The following ZNRF2 variants were observed in gnomAD, a reference collection of about 807,000 sequenced individuals.
ZNRF2 encodes the protein zinc and ring finger 2.
ZNRF2 carries 16 observed loss-of-function variants against 20.4 expected under a neutral mutation model. The observed-to-expected ratio is 0.79, with a 90% CI of 0.53 to 1.19. ZNRF2 has a LOEUF of 1.19. Among genes scored for constraint, ZNRF2 ranks in the 50% most tolerant of loss-of-function variants. The pLI, the probability that ZNRF2 is intolerant of heterozygous loss-of-function variation, is 0.00. For synonymous variants in ZNRF2, 178 were observed against 144.9 expected (o/e 1.23, Z -1.64); for missense variants, 363 against 332.4 (o/e 1.09, Z -0.72).
intron 2 of ZNRF2, among the ~76,000 whole-genome samples, chr7:30,344,967 C>T (rs1307537608): frequency 1.3e-5 from 2 of 152,084 alleles, no homozygotes. Context: ...CCTGATTTGT[C>T]CTCCTTTTAA....
In ZNRF2 at chr7:30,285,483, G is replaced by GGCC. The variant is rs1314475790; in HGVS notation, c.135_137dup (p.Ala46dup). 17 of 1,088,398 alleles carry GGCC rather than the reference G, an allele frequency of 1.6e-5. No individual in the cohort carries two copies. The highest frequency in any genetic ancestry group is 5.7e-5 in the Admixed American group (1 of 17,510). 67.4% of individuals were successfully genotyped at this position (1,088,398 alleles called of 1,614,324 possible). A position where few individuals can be genotyped will look rare whatever the true frequency, so the allele number is the denominator to read the frequency against. On this transcript the variant is annotated inframe_insertion, in exon 1 of 5. Transcript: ENST00000323037. ...CCGCGGGCGGCGGCGGGGGCGCTCG[G>GGCC]GCCGCCGCCGCGGGGAGGTTCCCGG...
At chr7:30,354,169 TG>T (rs1484653636) in intron 2 of ZNRF2, among the ~76,000 whole-genome samples, 1 of 151,546 alleles carries the variant, frequency 6.6e-6, no homozygotes, top group African/African-American at 2.4e-5. Flanking sequence ...GAAAAAAAAA[TG>T]GGGAAAGGGA....
chr7:30,329,656 A>G (rs559799680), intron 2 of ZNRF2, among the ~76,000 whole-genome samples: 10 of 152,324 alleles, frequency 6.6e-5, no homozygotes, highest in African/African-American at 2.4e-4. Context: ...GCATGGCTGA[A>G]TAATATTCTA....
chr7:30,330,769 TA>T lies in ZNRF2; in HGVS notation c.565+7043del, dbSNP rs796187971. On this transcript the variant is annotated intron_variant, in intron 2 of 4. Transcript: ENST00000323037. ...ATTGGCATTTTTTTTTAACTGAAGT[TA>T]AAAAAAAAAAGAAAACTTGCCAGCT... Among the ~76,000 whole-genome samples the T allele has an allele frequency of 6.2e-3, 901 of 144,562 alleles. 1 individual carries two copies. The highest frequency in any genetic ancestry group is 0.013 in the East Asian group (65 of 5,004). 94.8% of individuals were successfully genotyped at this position (144,562 alleles called of 152,430 possible). A position where few individuals can be genotyped will look rare whatever the true frequency, so the allele number is the denominator to read the frequency against.
intron 1 of ZNRF2, among the ~76,000 whole-genome samples, chr7:30,288,574 T>C (rs1254617356): frequency 2.0e-5 from 3 of 152,232 alleles, no homozygotes; most frequent in East Asian, 1.9e-4. Flanking sequence ...TTTGATGTCA[T>C]TTGGACATCT....
chr7:30,348,098 T>G (rs916813877), intron 2 of ZNRF2, among the ~76,000 whole-genome samples: 2 of 151,888 alleles, frequency 1.3e-5, no homozygotes, highest in African/African-American at 4.8e-5. Context: ...CTTGGCACAT[T>G]TATATATTCA....
intron 1 of ZNRF2, among the ~76,000 whole-genome samples, chr7:30,293,303 C>A (rs1172456851): frequency 6.8e-6 from 1 of 146,984 alleles, no homozygotes; most frequent in Non-Finnish European, 1.5e-5. Context: ...GGCTACAGTG[C>A]AGTAGTGCGA....
intron 2 of ZNRF2, among the ~76,000 whole-genome samples, chr7:30,343,656 C>A (rs1026248857): frequency 6.6e-6 from 1 of 150,834 alleles, no homozygotes; most frequent in Admixed American, 6.6e-5. Flanking sequence ...GTAATTCATT[C>A]TTTCTTTTAG....
chr7:30,285,576 A>AGCCCCGGCG lies in ZNRF2; in HGVS notation c.226_234dup (p.Ala76_Pro78dup), dbSNP rs1416817905. 3.0e-6 allele frequency: 3 copies of AGCCCCGGCG among 999,912 alleles called. No homozygotes were observed. The highest frequency in any genetic ancestry group is 1.8e-5 in the African/African-American group (1 of 55,870). 61.9% of individuals were successfully genotyped at this position (999,912 alleles called of 1,614,324 possible). ...CCGCGGCGGCCGCGGCGGCCCCGGC[A>AGCCCCGGCG]GCCCCGGCGGCCCCGCGCAGCCGCT... On this transcript the variant is annotated inframe_insertion, in exon 1 of 5. Transcript: ENST00000323037.
At chr7:30,350,985 TA>T (rs1217749173) in intron 2 of ZNRF2, among the ~76,000 whole-genome samples, 1 of 151,744 alleles carries the variant, frequency 6.6e-6, no homozygotes, top group Non-Finnish European at 1.5e-5. Context: ...AATTCAGTCT[TA>T]TTTGTTGGTT....
chr7:30,346,166 T>C (rs1430780064), intron 2 of ZNRF2, among the ~76,000 whole-genome samples: 1 of 124,814 alleles, frequency 8.0e-6, no homozygotes, highest in Non-Finnish European at 1.7e-5. Flanking sequence ...TTCTGTTAAG[T>C]CTGATTTTTT....
intron 1 of ZNRF2, among the ~76,000 whole-genome samples, chr7:30,299,978 T>G (rs1212550498): frequency 2.0e-5 from 3 of 150,434 alleles, no homozygotes; most frequent in South Asian, 2.1e-4. Flanking sequence ...AGAGACGGGG[T>G]TTTCACTGTG....
intron 1 of ZNRF2, among the ~76,000 whole-genome samples, chr7:30,290,443 C>T (rs1202777110): frequency 6.6e-6 from 1 of 152,060 alleles, no homozygotes; most frequent in Non-Finnish European, 1.5e-5. Context: ...TATCTAGTGA[C>T]TCAACTGGGG....
intron 2 of ZNRF2, among the ~76,000 whole-genome samples, chr7:30,324,299 C>A (rs1443956818): frequency 2.7e-5 from 4 of 150,932 alleles, no homozygotes; most frequent in Non-Finnish European, 5.9e-5. Context: ...TTTGGGAGGC[C>A]GAGGTAGGCA....
At chr7:30,338,411 G>C (rs1249787519) in intron 2 of ZNRF2, among the ~76,000 whole-genome samples, 3 of 149,018 alleles carry the variant, frequency 2.0e-5, no homozygotes, top group Non-Finnish European at 4.4e-5. Context: ...TCCTAATGCT[G>C]TCCCTCCCCT....
At position 30,336,663 on chromosome 7, in the gene ZNRF2, T is replaced by C. The variant is rs77596890; in HGVS notation, c.565+12926T>C. 2.0e-3 allele frequency among the ~76,000 whole-genome samples: 307 copies of C among 152,260 alleles called. 2 individuals are homozygous for C. Among genetic ancestry groups the C allele is most frequent in the East Asian group, 0.012 (64 of 5,194 alleles). ...GAGATTATGTAGAAAAGATACATTATAATGCAGAGAAAATTTAGGGGAGCA... is the reference window on the plus strand; with the variant it reads ...GAGATTATGTAGAAAAGATACATTACAATGCAGAGAAAATTTAGGGGAGCA... On this transcript the variant is annotated intron_variant, in intron 2 of 4. Coordinates refer to ENST00000323037, the MANE Select transcript of ZNRF2 (RefSeq NM_147128.4).
At chr7:30,291,128 T>C (rs1482979810) in intron 1 of ZNRF2, among the ~76,000 whole-genome samples, 1 of 152,184 alleles carries the variant, frequency 6.6e-6, no homozygotes, top group African/African-American at 2.4e-5. Context: ...CAGTACAGAC[T>C]AAAGAAAAAT....
intron 1 of ZNRF2, among the ~76,000 whole-genome samples, chr7:30,295,762 C>T (rs1185664303): frequency 6.6e-6 from 1 of 152,192 alleles, no homozygotes; most frequent in Non-Finnish European, 1.5e-5. Flanking sequence ...AAGTAGTCCA[C>T]ATACTTCATA....
chr7:30,295,788 C>A (rs1360354224), intron 1 of ZNRF2, among the ~76,000 whole-genome samples: 1 of 152,216 alleles, frequency 6.6e-6, no homozygotes, highest in African/African-American at 2.4e-5. Flanking sequence ...GTACTTTTAA[C>A]TATTGAATGA....
Sources: gnomAD v4.1 joint callset for allele counts (sites outside exome capture counted in the v4.1 genomes callset) on GRCh38, gnomAD v4.1.1 for gene constraint, MANE v1.5 for transcripts, NCBI Gene and HGNC (gene_info 2026-07-23, HGNC 2026-07-21) for gene names.